CDCA8: variants seen among roughly 807,000 people sequenced by gnomAD.
CDCA8 encodes the protein borealin.
Under a neutral mutation model 40.0 loss-of-function variants are expected in CDCA8, and 25 were observed. The observed-to-expected ratio is 0.63, with a 90% CI of 0.46 to 0.87. CDCA8 has a LOEUF of 0.87. Ranked by LOEUF, CDCA8 falls within the 40% of genes least tolerant of loss-of-function variation. CDCA8 has a pLI of 0.00. For missense variants in CDCA8, 280 were observed against 348.4 expected (o/e 0.80, Z 1.56); for synonymous variants, 111 against 126.5 (o/e 0.88, Z 0.82).
At chr1:37,702,374 T>C (rs2148289029) in intron 6 of CDCA8, among the ~76,000 whole-genome samples, 1 of 152,040 alleles carries the variant, frequency 6.6e-6, no homozygotes, top group East Asian at 1.9e-4. Context: ...AGCTACCCCA[T>C]AGCTCGTCAT....
chr1:37,702,841 A>T (rs1333044656), intron 6 of CDCA8, among the ~76,000 whole-genome samples: 1 of 151,876 alleles, frequency 6.6e-6, no homozygotes, highest in African/African-American at 2.4e-5. Context: ...AGTTCCAGCT[A>T]CTCGGGAGGC....
chr1:37,699,148 T>C (rs1337093458), intron 4 of CDCA8, among the ~76,000 whole-genome samples, 171 bp downstream of exon 4: 4 of 152,062 alleles, frequency 2.6e-5, no homozygotes, highest in Non-Finnish European at 4.4e-5. Flanking sequence ...TAATTTTTTT[T>C]CCCCCGAACA....
At chr1:37,700,610 A>C in intron 5 of CDCA8, 89 bp downstream of exon 5, 7 of 796,952 alleles carry the variant, frequency 8.8e-6, no homozygotes, top group Non-Finnish European at 1.3e-5. Flanking sequence ...ACCAGAGCTC[A>C]CAGTTTAGTA....
chr1:37,704,179 C>T (rs758104642), intron 7 of CDCA8, among the ~76,000 whole-genome samples: 2 of 152,130 alleles, frequency 1.3e-5, no homozygotes, highest in Non-Finnish European at 2.9e-5. Flanking sequence ...AAGCAATCTG[C>T]CCACCTCGGC....
intron 7 of CDCA8, 58 bp downstream of exon 7, chr1:37,703,405 G>A (rs1035295771): frequency 3.2e-6 from 4 of 1,244,286 alleles, no homozygotes; most frequent in Non-Finnish European, 3.6e-6. Flanking sequence ...GCACTACCCA[G>A]AGAAGGAGTG....
At position 37,703,367 on chromosome 1, in the gene CDCA8, C is replaced by T; in HGVS notation, c.584+20C>T. On this transcript the variant is annotated intron_variant, in intron 7 of 9. Transcript: ENST00000373055. The stretch of plus-strand genomic sequence containing the variant: ...CTCAAGGTGAGTATCGAGGGAAACA[C>T]TTGGATTTGATGGGACTCCAACATT... The T allele has an allele frequency of 1.8e-5, 28 of 1,562,558 alleles. No individual in the cohort carries two copies. Among genetic ancestry groups the T allele is most frequent in the Non-Finnish European group, 2.4e-5 (27 of 1,132,890 alleles).
chr1:37,698,932 AAACT>A lies in CDCA8; in HGVS notation c.296_299del (p.Leu99GlnfsTer9). On this transcript the variant is annotated frameshift_variant, in exon 4 of 10. Coordinates refer to ENST00000373055, the MANE Select transcript of CDCA8 (RefSeq NM_001256875.2). LOFTEE classifies it high-confidence loss of function. ...TGACCTGGATATCACCGAAATAAAC[AAACT>A]AACAGCAGAAGCTATTCAGACACCC... 6.2e-7 allele frequency: 1 copy of A among 1,614,010 alleles called. No homozygotes were observed. The highest frequency in any genetic ancestry group is 1.1e-5 in the South Asian group (1 of 91,086).
chr1:37,694,333 T>C (rs1413034828), intron 2 of CDCA8, among the ~76,000 whole-genome samples: 1 of 152,242 alleles, frequency 6.6e-6, no homozygotes, highest in Non-Finnish European at 1.5e-5. Flanking sequence ...GCTCACATAT[T>C]AGACATTGAA....
intron 4 of CDCA8, among the ~76,000 whole-genome samples, chr1:37,699,522 A>G (rs917551111): frequency 6.6e-6 from 1 of 151,740 alleles, no homozygotes; most frequent in Non-Finnish European, 1.5e-5. Flanking sequence ...ACTTGAGCCC[A>G]GGAGTTCAAG....
At chr1:37,692,846 C>T (rs1345925117) in intron 1 of CDCA8, 59 bp from the exon 2 acceptor site, 3 of 1,612,258 alleles carry the variant, frequency 1.9e-6, no homozygotes, top group Non-Finnish European at 2.5e-6. Flanking sequence ...GGTGGGGACA[C>T]GAGCTGCACA....
In CDCA8 at chr1:37,705,497, T is replaced by C. The variant is rs1361429999; in HGVS notation, c.641T>C (p.Ile214Thr). 1 of 1,613,958 alleles carries C rather than the reference T, an allele frequency of 6.2e-7. No individual in the cohort carries two copies. Among genetic ancestry groups the C allele is most frequent in the South Asian group, 1.1e-5 (1 of 91,068 alleles). ...GCAGCAGGAGAGCGGATTTACAACATCTCAGGGAATGGCAGCCCTCTTGCT... is the reference window on the plus strand; with the variant it reads ...GCAGCAGGAGAGCGGATTTACAACACCTCAGGGAATGGCAGCCCTCTTGCT... ...TPAAGERIYNISGNGSPLADS... is the reference protein window; with the variant it reads ...TPAAGERIYNTSGNGSPLADS... The change falls in exon 8 of 10, where the codon ATC (isoleucine) becomes ACC (threonine). Residue 214 changes from isoleucine to threonine, a missense_variant. By Grantham distance (89) the Ile-to-Thr change is moderately conservative. Transcript: ENST00000373055.
rs552082410 is a variant in CDCA8, at chr1:37,698,991, A to G, written c.337+14A>G. ...AATCTGCCAAAAGTGAGTACCTTTC[A>G]AAACTCCTTGTTGTACAGAAAGAAC... On this transcript the variant is annotated intron_variant, in intron 4 of 9. Transcript: ENST00000373055. 1.0e-5 allele frequency: 16 copies of G among 1,583,314 alleles called. No individual in the cohort carries two copies. The South Asian group carries it at 1.7e-4, about 16-fold the overall frequency.
Position 37,692,707 on chromosome 1 carries a change from G to A in CDCA8, c.17G>A (p.Gly6Asp). The A allele has an allele frequency of 3.1e-6, 5 of 1,613,140 alleles. No homozygotes were observed. The highest frequency in any genetic ancestry group is 2.5e-6 in the Non-Finnish European group (3 of 1,179,930). The change falls in exon 1 of 10, where the codon GGC becomes GAC. Residue 6 changes from glycine to aspartate, a missense_variant. Physicochemically the swap from Gly to Asp is moderately conservative, Grantham distance 94. Transcript: ENST00000373055. MAPRK[G>D]SSRVAKTNSL... ...CCGAGCGCCATGGCTCCTAGGAAGG[G>A]CAGTAGTCGGGTGGCCAAGACCAAC...
At chr1:37,704,854 G>C (rs927487356) in intron 7 of CDCA8, among the ~76,000 whole-genome samples, 1 of 151,736 alleles carries the variant, frequency 6.6e-6, no homozygotes, top group East Asian at 1.9e-4. Flanking sequence ...TGCCATGTTG[G>C]CCAGGCTGGT....
At chr1:37,700,968 T>C (rs1645559097) in intron 5 of CDCA8, among the ~76,000 whole-genome samples, 1 of 152,186 alleles carries the variant, frequency 6.6e-6, no homozygotes, top group Non-Finnish European at 1.5e-5. Context: ...AACTGCATGG[T>C]TTCTAGCTAA....
intron 8 of CDCA8, among the ~76,000 whole-genome samples, chr1:37,706,434 C>T (rs1645602101): frequency 6.6e-6 from 1 of 152,164 alleles, no homozygotes; most frequent in Non-Finnish European, 1.5e-5. Flanking sequence ...CTAACATTTG[C>T]CCATCCGATT....
intron 2 of CDCA8, among the ~76,000 whole-genome samples, chr1:37,695,091 C>G (rs1557515316): frequency 6.6e-6 from 1 of 152,144 alleles, no homozygotes. Context: ...AGTGGCTCAC[C>G]TGGAATTCCA....
In CDCA8 at chr1:37,703,320, C is replaced by G; in HGVS notation, c.557C>G (p.Pro186Arg). ...GAGGTGTCCATGGTCAAACCAACTC[C>G]AGGCCTGACACCCAGGTTTGACTCA... ...RLEVSMVKPT[P>R]GLTPRFDSRV... The change falls in exon 7 of 10, where the codon CCA becomes CGA. Residue 186 changes from proline to arginine, a missense_variant. Coordinates refer to ENST00000373055, the MANE Select transcript of CDCA8 (RefSeq NM_001256875.2). 6.2e-7 allele frequency: 1 copy of G among 1,613,818 alleles called. No individual in the cohort carries two copies.
intron 2 of CDCA8, among the ~76,000 whole-genome samples, chr1:37,693,624 C>A (rs751983699): frequency 2.6e-5 from 4 of 152,116 alleles, no homozygotes; most frequent in Admixed American, 6.5e-5. Context: ...GTCTCGAACT[C>A]CTGACCTCAA....
Sources: allele counts gnomAD v4.1 joint callset (sites outside exome capture counted in the v4.1 genomes callset), GRCh38; gene constraint gnomAD v4.1.1; transcripts MANE v1.5; gene names NCBI Gene and HGNC (gene_info 2026-07-23, HGNC 2026-07-21).